The following PAX7 variants were observed in gnomAD, a reference collection of about 807,000 sequenced individuals.
PAX7 encodes paired box protein Pax-7.
PAX7 carries 18 observed loss-of-function variants against 50.7 expected under a neutral mutation model. That is an observed-to-expected ratio of 0.36 (90% CI 0.25 to 0.53). PAX7 has a LOEUF of 0.53. Ranked by LOEUF, PAX7 falls within the 20% of genes least tolerant of loss-of-function variation. The pLI, the probability that PAX7 is intolerant of heterozygous loss-of-function variation, is 0.93. For missense variants in PAX7, 644 were observed against 702.9 expected, an observed-to-expected ratio of 0.92 and a Z score of 0.95; for synonymous variants, 310 against 290.4, an observed-to-expected ratio of 1.07 and a Z score of -0.69.
chr1:18,741,074 C>T (rs772224934), intron 8 of PAX7, among the ~76,000 whole-genome samples: 1 of 152,170 alleles, frequency 6.6e-6, no homozygotes, highest in Admixed American at 6.5e-5. Context: ...TGTTTGATAA[C>T]AGAATAGGGT....
chr1:18,642,986 T>G (rs937670961), intron 4 of PAX7, among the ~76,000 whole-genome samples: 34 of 97,848 alleles, frequency 3.5e-4, no homozygotes, highest in South Asian at 7.2e-4. Context: ...AAGGAAAGGG[T>G]GTGGGGAGGG....
chr1:18,667,995 G>A (rs949385127), intron 4 of PAX7, among the ~76,000 whole-genome samples: 26 of 152,224 alleles, frequency 1.7e-4, no homozygotes, highest in Non-Finnish European at 3.2e-4. Flanking sequence ...CTCTGGAACC[G>A]AGTAAAATAT....
chr1:18,635,036 A>G, intron 2 of PAX7, 75 bp from the exon 3 acceptor site: 5 of 1,558,722 alleles, frequency 3.2e-6, no homozygotes, highest in Non-Finnish European at 4.4e-6. Flanking sequence ...GGGGCTCTTA[A>G]GAGGTGATAT....
chr1:18,724,514 G>A (rs779643317), intron 7 of PAX7, among the ~76,000 whole-genome samples: 2 of 152,214 alleles, frequency 1.3e-5, no homozygotes, highest in African/African-American at 4.8e-5. Flanking sequence ...ATTGACAGGT[G>A]CACCCACCTA....
intron 4 of PAX7, among the ~76,000 whole-genome samples, chr1:18,676,691 G>C (rs1023177112): frequency 1.3e-5 from 2 of 152,184 alleles, no homozygotes; most frequent in South Asian, 4.1e-4. Context: ...AGGGTGTCCT[G>C]TAGCTCATGC....
chr1:18,633,018 G>A (rs543715277), intron 1 of PAX7, among the ~76,000 whole-genome samples: 1 of 152,352 alleles, frequency 6.6e-6, no homozygotes, highest in African/African-American at 2.4e-5. Context: ...TGAATATAAA[G>A]TTGGGCGCTC....
chr1:18,728,667 C>T (rs1302810660), intron 7 of PAX7, among the ~76,000 whole-genome samples: 6 of 148,002 alleles, frequency 4.1e-5, no homozygotes, highest in South Asian at 2.2e-4. Flanking sequence ...TCGAGACCAG[C>T]GTGACCAACA....
chr1:18,631,425 G>C lies in PAX7; in HGVS notation c.-179G>C, dbSNP rs1358137892. The C allele has an allele frequency of 1.7e-6, 1 of 597,156 alleles. No individual in the cohort carries two copies. Among genetic ancestry groups the C allele is most frequent in the African/African-American group, 1.9e-5 (1 of 53,802 alleles). The allele number at this position is 597,156 out of a possible 1,614,324, so 37.0% of individuals were successfully genotyped here. ...TCACCCCCCTCCCCAGCTTCTGGACGCGTTTGACTGCAGCCAGGGGTGGGG... is the reference window on the plus strand; with the variant it reads ...TCACCCCCCTCCCCAGCTTCTGGACCCGTTTGACTGCAGCCAGGGGTGGGG... On this transcript the variant is annotated 5_prime_UTR_variant, in exon 1 of 9. Coordinates refer to ENST00000420770, the MANE Select transcript of PAX7 (RefSeq NM_001135254.2).
intron 4 of PAX7, among the ~76,000 whole-genome samples, chr1:18,659,936 G>A (rs2088576055): frequency 6.6e-6 from 1 of 152,232 alleles, no homozygotes. Context: ...GACTGCAAAA[G>A]AATTGGGAAA....
At chr1:18,681,731 T>TG (rs2088904025) in intron 4 of PAX7, among the ~76,000 whole-genome samples, 1 of 136,340 alleles carries the variant, frequency 7.3e-6, no homozygotes, top group Admixed American at 7.6e-5. Context: ...TTTTATTTTA[T>TG]TTTATTTTAT....
At chr1:18,663,366 G>A (rs1162324647) in intron 4 of PAX7, among the ~76,000 whole-genome samples, 1 of 152,162 alleles carries the variant, frequency 6.6e-6, no homozygotes, top group Admixed American at 6.5e-5. Flanking sequence ...ACTGGAATTT[G>A]TGGGGTTTGT....
chr1:18,640,717 A>G (rs1312968787), intron 4 of PAX7, among the ~76,000 whole-genome samples: 1 of 152,012 alleles, frequency 6.6e-6, no homozygotes, highest in Non-Finnish European at 1.5e-5. Flanking sequence ...GCTTCGCATA[A>G]TGGGGGCTCG....
Position 18,747,839 on chromosome 1 carries a change from C to T in PAX7, c.*2910C>T, listed in dbSNP as rs888446134. The stretch of plus-strand genomic sequence containing the variant: ...TATACTAAAAAAGGAAAGAAATCCC[C>T]CACAGTGTGTGTCGTGCTAGTGCCA... On this transcript the variant is annotated 3_prime_UTR_variant, in exon 9 of 9. Coordinates refer to ENST00000420770, the MANE Select transcript of PAX7 (RefSeq NM_001135254.2). 2.6e-5 allele frequency: 5 copies of T among 190,994 alleles called. No homozygotes were observed. The East Asian group carries it at 4.1e-4, about 16-fold the overall frequency. The allele number at this position is 190,994 out of a possible 1,614,324, so 11.8% of individuals were successfully genotyped here.
Position 18,703,312 on chromosome 1 carries a change from C to T in PAX7, c.1155+16C>T, listed in dbSNP as rs748740315. The T allele has an allele frequency of 2.5e-5, 40 of 1,610,330 alleles. No homozygotes were observed. The highest frequency in any genetic ancestry group is 8.3e-5 in the Admixed American group (5 of 60,008). On this transcript the variant is annotated intron_variant, in intron 7 of 8. Transcript: ENST00000420770. The stretch of plus-strand genomic sequence containing the variant: ...GTCTCCTCAGGTAGGTGGTCTCAGC[C>T]CAGCACCCAGGATCCCACCGCCACG...
At position 18,735,177 on chromosome 1, in the gene PAX7, T is replaced by C. The variant is rs998449689; in HGVS notation, c.1156-455T>C. Among the ~76,000 whole-genome samples the C allele has an allele frequency of 6.6e-6, 1 of 152,092 alleles. No individual in the cohort carries two copies. Among genetic ancestry groups the C allele is most frequent in the African/African-American group, 2.4e-5 (1 of 41,416 alleles). On this transcript the variant is annotated intron_variant, in intron 7 of 8. Coordinates refer to ENST00000420770, the MANE Select transcript of PAX7 (RefSeq NM_001135254.2). The surrounding 1 kb of genome is among the most constrained non-coding windows in gnomAD (Gnocchi z 4.0). The stretch of plus-strand genomic sequence containing the variant: ...AGCAGACAGATCAAGAGTCCTGCTG[T>C]AATGTTTGTGTTAGAAGATGGGGCC...
chr1:18,720,701 T>G (rs2089481894), intron 7 of PAX7, among the ~76,000 whole-genome samples: 9 of 138,212 alleles, frequency 6.5e-5, no homozygotes, highest in African/African-American at 8.2e-5. Context: ...GGATGGAGAG[T>G]GGTGGAGACT....
At chr1:18,652,859 C>A (rs1309692189) in intron 4 of PAX7, among the ~76,000 whole-genome samples, 7 of 152,200 alleles carry the variant, frequency 4.6e-5, no homozygotes, top group Non-Finnish European at 5.9e-5. Flanking sequence ...AGAAACTGAG[C>A]CAGGTGCTCT....
chr1:18,738,391 G>T (rs1362497230), intron 8 of PAX7, among the ~76,000 whole-genome samples: 4 of 152,144 alleles, frequency 2.6e-5, no homozygotes, highest in Admixed American at 2.0e-4. Context: ...CTCCAGGGGC[G>T]CCTGCTCAAT....
chr1:18,636,455 C>A lies in PAX7; in HGVS notation c.586+84C>A. The A allele has an allele frequency of 6.8e-7, 1 of 1,478,278 alleles. No individual in the cohort carries two copies. The highest frequency in any genetic ancestry group is 9.2e-7 in the Non-Finnish European group (1 of 1,088,710). 91.6% of individuals were successfully genotyped at this position (1,478,278 alleles called of 1,614,324 possible). A position where few individuals can be genotyped will look rare whatever the true frequency, so the allele number is the denominator to read the frequency against. On this transcript the variant is annotated intron_variant, in intron 4 of 8. Coordinates refer to ENST00000420770, the MANE Select transcript of PAX7 (RefSeq NM_001135254.2). The surrounding 1 kb of genome is among the most constrained non-coding windows in gnomAD (Gnocchi z 5.1). The stretch of plus-strand genomic sequence containing the variant: ...CGGGCCAGTGGTTCGCTCCCGCCGC[C>A]GGAGCAGGCGACCAGAACTCCAGCG...
Sources: gnomAD v4.1 joint callset for allele counts (sites outside exome capture counted in the v4.1 genomes callset) on GRCh38, gnomAD v4.1.1 for gene constraint, Gnocchi (gnomAD v3.1) non-coding constraint, MANE v1.5 for transcripts, NCBI Gene and HGNC (gene_info 2026-07-23, HGNC 2026-07-21) for gene names.